PAX5: variants seen among roughly 807,000 people sequenced by gnomAD.
PAX5 encodes the protein paired box protein Pax-5.
A neutral mutation model predicts 43.7 loss-of-function variants in PAX5; 9 were observed. That is an observed-to-expected ratio of 0.21 (90% CI 0.12 to 0.36). The LOEUF (loss-of-function observed/expected upper bound fraction) is 0.36. Ranked by LOEUF, PAX5 falls within the 10% of genes least tolerant of loss-of-function variation. The pLI is 1.00. For missense variants in PAX5, 383 were observed against 532.7 expected (o/e 0.72, Z 2.77); for synonymous variants, 228 against 214.3 (o/e 1.06, Z -0.56).
intron 5 of PAX5, among the ~76,000 whole-genome samples, chr9:36,973,635 G>A (rs1835164660): frequency 6.6e-6 from 1 of 152,200 alleles, no homozygotes; most frequent in Admixed American, 6.5e-5. Context: ...GGGAGGCTGA[G>A]GTGGGAGGAT....
rs542271321 is a variant in PAX5 at position 37,005,908 on chromosome 9, C to T, written c.475+565G>A. 4.6e-5 allele frequency among the ~76,000 whole-genome samples: 7 copies of T among 152,294 alleles called. No homozygotes were observed. The East Asian group carries it at 7.7e-4, about 17-fold the overall frequency. ...CTAGGAAGTATGACTCCCACTCTGTCGGGTCACAGCCACTCTCAGACGTCA... is the reference window on the plus strand; with the variant it reads ...CTAGGAAGTATGACTCCCACTCTGTTGGGTCACAGCCACTCTCAGACGTCA... On this transcript the variant is annotated intron_variant, in intron 4 of 9. Coordinates refer to ENST00000358127, the MANE Select transcript of PAX5 (RefSeq NM_016734.3).
rs753370444 is a variant in PAX5 at position 36,996,235 on chromosome 9, C to T, written c.604+6413G>A. ...ACATAGGCCTCTCCGTGGCCATCTA[C>T]TCAGCATTGACTACAGCCAGGCCCT... On this transcript the variant is annotated intron_variant, in intron 5 of 9. Coordinates refer to ENST00000358127, the MANE Select transcript of PAX5 (RefSeq NM_016734.3). Among the ~76,000 whole-genome samples the T allele has an allele frequency of 2.0e-5, 3 of 152,278 alleles. No individual in the cohort carries two copies. In the East Asian group the frequency reaches 5.8e-4, roughly 29 times the overall value.
intron 1 of PAX5, chr9:37,026,695 C>T: frequency 7.6e-7 from 1 of 1,310,680 alleles, no homozygotes. Context: ...GCTCAGAAAA[C>T]ACTGCTGGAG....
Position 36,867,291 on chromosome 9 carries a change from C to T in PAX5, c.1012+14713G>A, listed in dbSNP as rs151308147. Among the ~76,000 whole-genome samples the T allele has an allele frequency of 1.9e-3, 283 of 152,272 alleles. 2 individuals carry two copies. Among genetic ancestry groups the T allele is most frequent in the African/African-American group, 6.2e-3 (257 of 41,570 alleles). On this transcript the variant is annotated intron_variant, in intron 8 of 9. Transcript: ENST00000358127. ...ACTCTTCGGTATACACCTGGTGTCC[C>T]CGCTTAGACCTGCTCGTGCCACACC...
At chr9:36,920,653 T>C (rs1448423867) in intron 7 of PAX5, among the ~76,000 whole-genome samples, 2 of 152,208 alleles carry the variant, frequency 1.3e-5, no homozygotes, top group African/African-American at 4.8e-5. Flanking sequence ...TTTTGGAATA[T>C]TGGCTTTATA....
intron 4 of PAX5, 69 bp from the exon 5 acceptor site, chr9:37,002,845 G>T (rs977198264): frequency 3.9e-6 from 6 of 1,530,282 alleles, no homozygotes; most frequent in East Asian, 2.4e-5. Context: ...GTCACCGCAC[G>T]TGAGGCTGGG....
intron 6 of PAX5, chr9:36,930,830 G>A: frequency 1.5e-6 from 2 of 1,303,830 alleles, no homozygotes; most frequent in African/African-American, 3.0e-5. Context: ...GGGACTCAAG[G>A]AGGCACGTGC....
chr9:36,917,366 A>T (rs1160673311), intron 7 of PAX5, among the ~76,000 whole-genome samples: 2 of 152,156 alleles, frequency 1.3e-5, no homozygotes, highest in East Asian at 3.8e-4. Flanking sequence ...GACCATGGGG[A>T]CCTGTCTTAA....
chr9:36,929,083 T>C (rs909604530), intron 6 of PAX5, among the ~76,000 whole-genome samples: 38 of 152,312 alleles, frequency 2.5e-4, no homozygotes, highest in African/African-American at 8.7e-4. Flanking sequence ...CTTTTCTCTA[T>C]GTAATTTCTG....
chr9:37,031,535 T>C (rs569432629), intron 1 of PAX5, among the ~76,000 whole-genome samples: 2 of 152,088 alleles, frequency 1.3e-5, no homozygotes, highest in African/African-American at 4.8e-5. Context: ...GTCCAAGTAG[T>C]AGTTTTTCTC....
chr9:36,929,299 G>C (rs1243613722), intron 6 of PAX5, among the ~76,000 whole-genome samples: 1 of 146,760 alleles, frequency 6.8e-6, no homozygotes, highest in Non-Finnish European at 1.5e-5. Context: ...GGATGGATGA[G>C]AGAGAGAGAG....
rs747715136 is a variant in PAX5 at position 36,923,366 on chromosome 9, G to C, written c.899C>G (p.Pro300Arg). The C allele has an allele frequency of 6.2e-7, 1 of 1,612,526 alleles. No individual in the cohort carries two copies. Among genetic ancestry groups the C allele is most frequent in the Non-Finnish European group, 8.5e-7 (1 of 1,179,762 alleles). Residue 300 changes from proline (P) to arginine (R), a missense_variant, in exon 7 of 10, where the codon CCC becomes CGC. Pro to Arg is a moderately radical substitution (Grantham distance 103). Around this residue, in one of 5 missense-constraint regions of PAX5, gnomAD observed 291 missense variants for 342.5 expected, o/e 0.85. Transcript: ENST00000358127. ...CCAGGTGCCCTCACCTGTCACAATGGGGTAGGACTGCGGGCCTGGCACACT... is the reference window on the plus strand; with the variant it reads ...CCAGGTGCCCTCACCTGTCACAATGCGGTAGGACTGCGGGCCTGGCACACT... ...GSSVPGPQSY[P>R]IVTGRDLAST...
chr9:36,882,263 CACAT>C lies in PAX5; in HGVS notation c.911-162_911-159del, dbSNP rs1009197509. On this transcript the variant is annotated intron_variant, in intron 7 of 9. Transcript: ENST00000358127. This position sits in a 1 kb window ranked among gnomAD's most constrained non-coding sequence, Gnocchi z 4.4. ...TGTCGCTCACACGCTCTCACAAACA[CACAT>C]ACACACACACACACACACACACACA... Among the ~76,000 whole-genome samples, 1 of 131,868 alleles carries C rather than the reference CACAT, an allele frequency of 7.6e-6. No individual in the cohort carries two copies. 86.5% of individuals were successfully genotyped at this position (131,868 alleles called of 152,430 possible).
intron 5 of PAX5, among the ~76,000 whole-genome samples, chr9:37,000,869 A>G (rs1837789633): frequency 6.6e-6 from 1 of 152,218 alleles, no homozygotes; most frequent in African/African-American, 2.4e-5. Flanking sequence ...CTTCCATGTC[A>G]GCCCTCCAAA....
intron 5 of PAX5, among the ~76,000 whole-genome samples, chr9:36,974,819 G>C (rs920214171): frequency 1.3e-5 from 2 of 152,060 alleles, no homozygotes; most frequent in African/African-American, 4.8e-5. Flanking sequence ...CGGGGACAAA[G>C]CCTGAGCCCC....
chr9:36,922,204 G>T (rs1830228059), intron 7 of PAX5, among the ~76,000 whole-genome samples: 1 of 152,132 alleles, frequency 6.6e-6, no homozygotes. Context: ...TGGCCTAAGT[G>T]ACCCCCTCCA....
At chr9:36,994,733 TG>T (rs1436086527) in intron 5 of PAX5, among the ~76,000 whole-genome samples, 2 of 152,192 alleles carry the variant, frequency 1.3e-5, no homozygotes, top group Admixed American at 6.5e-5. Context: ...CCTTGTGGGT[TG>T]CCAGGCTGCC....
intron 7 of PAX5, among the ~76,000 whole-genome samples, chr9:36,914,748 A>G (rs1410322178): frequency 6.6e-6 from 1 of 152,212 alleles, no homozygotes; most frequent in Non-Finnish European, 1.5e-5. Context: ...CATCCCTGCT[A>G]CAGCACCATA....
intron 8 of PAX5, among the ~76,000 whole-genome samples, chr9:36,853,847 G>A (rs1469205464): frequency 6.6e-6 from 1 of 152,232 alleles, no homozygotes; most frequent in East Asian, 1.9e-4. Context: ...GCTCAGAGAT[G>A]GCAAGAAAGT....
Sources: gnomAD v4.1 joint callset for allele counts (sites outside exome capture counted in the v4.1 genomes callset) on GRCh38, gnomAD v4.1.1 for gene constraint, gnomAD v4.1.1 regional missense constraint, Gnocchi (gnomAD v3.1) non-coding constraint, MANE v1.5 for transcripts, NCBI Gene and HGNC (gene_info 2026-07-23, HGNC 2026-07-21) for gene names.